HSF2BP: variants seen among roughly 807,000 people sequenced by gnomAD.
HSF2BP encodes heat shock transcription factor 2 binding protein.
In HSF2BP, 35 loss-of-function variants were observed where a neutral mutation model predicts 35.0. The ratio of observed to expected loss-of-function variants is 1.00; its 90% confidence interval spans 0.76 to 1.32. The LOEUF (loss-of-function observed/expected upper bound fraction) is 1.32. Ranked by LOEUF, HSF2BP falls within the 40% of genes most tolerant of loss-of-function variation. HSF2BP has a pLI of 0.00. For synonymous variants in HSF2BP, 114 were observed against 117.4 expected (o/e 0.97, Z 0.18); for missense variants, 326 against 321.7 (o/e 1.01, Z -0.10).
At chr21:43,596,415 C>T (rs1374956715) in intron 7 of HSF2BP, among the ~76,000 whole-genome samples, 3 of 151,506 alleles carry the variant, frequency 2.0e-5, no homozygotes, top group South Asian at 2.1e-4. Context: ...CACACACAGC[C>T]TTTAATACTT....
At chr21:43,576,194 G>A (rs536395992) in intron 8 of HSF2BP, among the ~76,000 whole-genome samples, 1 of 151,592 alleles carries the variant, frequency 6.6e-6, no homozygotes, top group Non-Finnish European at 1.5e-5. Context: ...TCAGATGTGA[G>A]GCCATCTTCC....
At chr21:43,623,448 A>G (rs2082354320) in intron 6 of HSF2BP, among the ~76,000 whole-genome samples, 1 of 152,212 alleles carries the variant, frequency 6.6e-6, no homozygotes, top group African/African-American at 2.4e-5. Flanking sequence ...GAAAGAAATA[A>G]TAAAGATCAG....
At chr21:43,575,690 G>A (rs910332503) in intron 8 of HSF2BP, among the ~76,000 whole-genome samples, 2 of 152,156 alleles carry the variant, frequency 1.3e-5, no homozygotes, top group African/African-American at 4.8e-5. Flanking sequence ...GGACAACAGC[G>A]TGAGCTAATG....
chr21:43,614,749 G>T (rs2146927324), intron 6 of HSF2BP, among the ~76,000 whole-genome samples: 1 of 152,322 alleles, frequency 6.6e-6, no homozygotes, highest in South Asian at 2.1e-4. Context: ...TTTTGAATTA[G>T]AGTGTTGAAC....
chr21:43,636,061 A>T lies in HSF2BP; in HGVS notation c.292-2640T>A, dbSNP rs867393594. 2.2e-3 allele frequency among the ~76,000 whole-genome samples: 332 copies of T among 150,806 alleles called. 2 individuals are homozygous for T. The highest frequency in any genetic ancestry group is 7.0e-3 in the East Asian group (36 of 5,154). On this transcript the variant is annotated intron_variant, in intron 4 of 8. Coordinates refer to ENST00000291560, the MANE Select transcript of HSF2BP (RefSeq NM_007031.2). Reference sequence around the variant, plus strand: ...CCCATCTCTACAAAAAAAAAAAAAAATTTTTTTTAAATAGCCAGGCATGGT... The same window carrying T: ...CCCATCTCTACAAAAAAAAAAAAAATTTTTTTTTAAATAGCCAGGCATGGT...
At chr21:43,467,564 C>T in the HSF2BP span, among the ~76,000 whole-genome samples, 5 of 148,614 alleles carry the variant, frequency 3.4e-5, no homozygotes, top group South Asian at 2.2e-4. Flanking sequence ...GAAGCCCAGA[C>T]GTCCAGCCCG....
Position 43,592,276 on chromosome 21 carries a change from A to C in HSF2BP, c.745T>G (p.Tyr249Asp), listed in dbSNP as rs753114922. The C allele has an allele frequency of 1.2e-6, 2 of 1,613,894 alleles. No individual in the cohort carries two copies. The highest frequency in any genetic ancestry group is 1.7e-6 in the Non-Finnish European group (2 of 1,179,916). ...ATGAATCCTGGACTCTCGCTGATGT[A>C]TTTCAAGCCTTTCAAATTGATGCTT... ...NVSINLKGLKYISESPGFIPL... is the reference protein window; with the variant it reads ...NVSINLKGLKDISESPGFIPL... Residue 249 changes from tyrosine to aspartate, a missense_variant, in exon 8 of 9, where the codon TAC becomes GAC. Physicochemically the swap from Tyr to Asp is radical, Grantham distance 160. Coordinates refer to ENST00000291560, the MANE Select transcript of HSF2BP (RefSeq NM_007031.2).
intron 6 of HSF2BP, among the ~76,000 whole-genome samples, chr21:43,616,057 A>G (rs1274408390): frequency 6.7e-6 from 1 of 149,824 alleles, no homozygotes; most frequent in Non-Finnish European, 1.5e-5. Flanking sequence ...AAAAAAATAT[A>G]TATATATATA....
intron 4 of HSF2BP, 99 bp from the exon 5 acceptor site, chr21:43,633,520 C>T (rs183149335): frequency 1.9e-6 from 2 of 1,035,394 alleles, no homozygotes; most frequent in Admixed American, 3.2e-5. Context: ...TAAAGAAATG[C>T]ATGTATAATT....
At chr21:43,590,921 A>C (rs2081918028) in intron 8 of HSF2BP, among the ~76,000 whole-genome samples, 1 of 152,216 alleles carries the variant, frequency 6.6e-6, no homozygotes, top group Non-Finnish European at 1.5e-5. Flanking sequence ...CATTACCTTG[A>C]TTGTGATAAT....
intron 7 of HSF2BP, among the ~76,000 whole-genome samples, chr21:43,600,214 G>C (rs929405570): frequency 6.6e-6 from 1 of 152,164 alleles, no homozygotes; most frequent in African/African-American, 2.4e-5. Context: ...AGGTAAAAGT[G>C]ACAACTTGAC....
intron 7 of HSF2BP, among the ~76,000 whole-genome samples, chr21:43,593,681 CA>C (rs1384336055): frequency 1.3e-5 from 2 of 151,766 alleles, no homozygotes; most frequent in African/African-American, 4.8e-5. Context: ...AAAATGAAAA[CA>C]ATAATTAAAA....
intron 7 of HSF2BP, among the ~76,000 whole-genome samples, chr21:43,604,002 G>C (rs924807317): frequency 6.6e-6 from 1 of 152,124 alleles, no homozygotes; most frequent in African/African-American, 2.4e-5. Context: ...CCATGAGCCA[G>C]CTCTGCATTC....
At chr21:43,583,527 A>AAGGGCCTGCTGAGGGAGATG (rs2081794285) in intron 8 of HSF2BP, among the ~76,000 whole-genome samples, 1 of 98,316 alleles carries the variant, frequency 1.0e-5, no homozygotes, top group African/African-American at 4.2e-5. Context: ...GAGGGAGATG[A>AAGGGCCTGCTGAGGGAGATG]AGGGCCTGCT....
chr21:43,605,002 CAT>C (rs1351807663), intron 7 of HSF2BP, among the ~76,000 whole-genome samples: 2 of 135,936 alleles, frequency 1.5e-5, no homozygotes, highest in African/African-American at 5.5e-5. Flanking sequence ...ACACCACACA[CAT>C]CAGACACCAC....
intron 7 of HSF2BP, among the ~76,000 whole-genome samples, chr21:43,594,313 G>T (rs1022280779): frequency 1.3e-5 from 2 of 152,184 alleles, no homozygotes; most frequent in African/African-American, 4.8e-5. Flanking sequence ...GTAAAGGGAT[G>T]TGAGTGTACA....
Position 43,626,637 on chromosome 21 carries a change from A to T in HSF2BP, c.574+3685T>A, listed in dbSNP as rs770696456. Among the ~76,000 whole-genome samples, 6 of 152,206 alleles carry T rather than the reference A, an allele frequency of 3.9e-5. No homozygotes were observed. The South Asian group carries it at 6.2e-4, about 16-fold the overall frequency. Reference sequence around the variant, plus strand: ...TGCTGGAACTTCTCTGTCTCTGCCTATATCAGTGATATCTTCTTCACTTTG... The same window carrying T: ...TGCTGGAACTTCTCTGTCTCTGCCTTTATCAGTGATATCTTCTTCACTTTG... On this transcript the variant is annotated intron_variant, in intron 6 of 8. Transcript: ENST00000291560.
chr21:43,599,108 A>C (rs948079083), intron 7 of HSF2BP, among the ~76,000 whole-genome samples: 2 of 152,266 alleles, frequency 1.3e-5, no homozygotes, highest in Non-Finnish European at 2.9e-5. Flanking sequence ...ACCTTCTGAA[A>C]AGATGGCCAG....
At chr21:43,628,873 T>G (rs1361328455) in intron 6 of HSF2BP, among the ~76,000 whole-genome samples, 2 of 152,236 alleles carry the variant, frequency 1.3e-5, no homozygotes, top group African/African-American at 2.4e-5. Flanking sequence ...CTAAATCTAC[T>G]CTTGCCTATG....
Sources: allele counts gnomAD v4.1 joint callset (sites outside exome capture counted in the v4.1 genomes callset), GRCh38; gene constraint gnomAD v4.1.1; transcripts MANE v1.5; gene names NCBI Gene and HGNC (gene_info 2026-07-23, HGNC 2026-07-21).